The following SMARCA2 variants were observed in gnomAD, a reference collection of about 807,000 sequenced individuals.
The protein encoded by SMARCA2 is SWI/SNF related BAF chromatin remodeling complex subunit ATPase 2.
SMARCA2 carries 61 observed loss-of-function variants against 199.8 expected under a neutral mutation model. That is an observed-to-expected ratio of 0.31 (90% CI 0.25 to 0.38). The LOEUF (loss-of-function observed/expected upper bound fraction) is 0.38, where lower values mean the gene tolerates loss of function less well. SMARCA2 is among the 10% of genes least tolerant of loss of function. SMARCA2 has a pLI of 1.00. For synonymous variants in SMARCA2, 935 were observed against 732.0 expected (o/e 1.28, Z -4.48); for missense variants, 1,344 against 2,012.2 (o/e 0.67, Z 6.35).
chr9:2,176,362 A>C (rs1400267859), intron 29 of SMARCA2, among the ~76,000 whole-genome samples: 2 of 151,974 alleles, frequency 1.3e-5, no homozygotes, highest in African/African-American at 4.8e-5. Flanking sequence ...TATCTGTTTC[A>C]GCCCAGAGTA....
intron 25 of SMARCA2, among the ~76,000 whole-genome samples, chr9:2,118,853 G>C (rs145073731): frequency 2.0e-5 from 3 of 151,822 alleles, no homozygotes; most frequent in Non-Finnish European, 4.4e-5. Context: ...TTTTGTTACT[G>C]ATACCTTTTT....
chr9:2,168,829 A>G (rs765281198), intron 28 of SMARCA2, among the ~76,000 whole-genome samples: 1 of 152,106 alleles, frequency 6.6e-6, no homozygotes, highest in Non-Finnish European at 1.5e-5. Flanking sequence ...ATTTGAAATT[A>G]TTCTGCTGGG....
At chr9:2,140,353 G>T (rs1416775154) in intron 27 of SMARCA2, among the ~76,000 whole-genome samples, 3 of 152,156 alleles carry the variant, frequency 2.0e-5, no homozygotes, top group African/African-American at 7.2e-5. Flanking sequence ...CACAGGGAAG[G>T]ATATTGTGAA....
At chr9:2,189,810 C>T (rs1324402545) in intron 32 of SMARCA2, among the ~76,000 whole-genome samples, 1 of 152,170 alleles carries the variant, frequency 6.6e-6, no homozygotes, top group Non-Finnish European at 1.5e-5. Context: ...CATAACAGCA[C>T]AGCTCTCATC....
At chr9:2,184,372 A>AGAT (rs1276574557) in intron 31 of SMARCA2, among the ~76,000 whole-genome samples, 36 of 64,904 alleles carry the variant, frequency 5.5e-4, no homozygotes, top group African/African-American at 2.6e-3. Flanking sequence ...TTTTTTTTTG[A>AGAT]GATGGAGTCT....
chr9:2,160,684 G>A (rs1187405781), intron 27 of SMARCA2: 1 of 686,158 alleles, frequency 1.5e-6, no homozygotes, highest in Admixed American at 2.1e-5. Context: ...TTGCATACTG[G>A]AGGCAATATT....
intron 2 of SMARCA2, among the ~76,000 whole-genome samples, chr9:2,030,274 C>T (rs1013374200): frequency 2.0e-5 from 3 of 152,164 alleles, no homozygotes; most frequent in African/African-American, 7.2e-5. Flanking sequence ...TCTGCAGTCA[C>T]CAATCTGGAT....
At position 2,101,095 on chromosome 9, in the gene SMARCA2, A is replaced by G. The variant is rs574487070; in HGVS notation, c.3079-475A>G. On this transcript the variant is annotated intron_variant, in intron 21 of 33. Transcript: ENST00000349721. ...TCGCCCCCAGGGTCCCACCCACAAC[A>G]CATGGGAATTATAGGAGCTATAATT... Among the ~76,000 whole-genome samples, 142 of 152,292 alleles carry G rather than the reference A, an allele frequency of 9.3e-4. 1 individual carries two copies. Among genetic ancestry groups the G allele is most frequent in the Non-Finnish European group, 1.8e-3 (120 of 68,014 alleles).
chr9:2,136,290 C>G (rs1269561222), intron 27 of SMARCA2, among the ~76,000 whole-genome samples: 1 of 145,644 alleles, frequency 6.9e-6, no homozygotes, highest in Non-Finnish European at 1.5e-5. Context: ...CGGGTTCAAA[C>G]AGTTCTTGTG....
At chr9:2,184,448 G>A (rs1044494154) in intron 31 of SMARCA2, among the ~76,000 whole-genome samples, 1 of 151,344 alleles carries the variant, frequency 6.6e-6, no homozygotes. Context: ...TGCCTCCTGG[G>A]TTCAAGCAAT....
chr9:2,156,356 T>C (rs1825358446), intron 27 of SMARCA2, among the ~76,000 whole-genome samples: 1 of 151,930 alleles, frequency 6.6e-6, no homozygotes, highest in Non-Finnish European at 1.5e-5. Context: ...ATAATTTGGT[T>C]TCTTTTCAGG....
chr9:2,137,820 G>T (rs1824273871), intron 27 of SMARCA2, among the ~76,000 whole-genome samples: 1 of 152,180 alleles, frequency 6.6e-6, no homozygotes, highest in South Asian at 2.1e-4. Flanking sequence ...AGGGCTAGGA[G>T]GGATTTGGTT....
chr9:2,173,899 T>C (rs913522413), intron 29 of SMARCA2, among the ~76,000 whole-genome samples: 6 of 152,194 alleles, frequency 3.9e-5, no homozygotes, highest in African/African-American at 1.4e-4. Flanking sequence ...AGCCCAAATA[T>C]TACATTCAGT....
At chr9:2,030,893 A>C (rs575904575) in intron 2 of SMARCA2, among the ~76,000 whole-genome samples, 104 of 152,328 alleles carry the variant, frequency 6.8e-4, no homozygotes, top group African/African-American at 2.4e-3. Context: ...TCCTTTTGTT[A>C]AAAGTGTTGT....
chr9:2,040,095 T>C, intron 4 of SMARCA2, 195 bp downstream of exon 4: 1 of 1,110,958 alleles, frequency 9.0e-7, no homozygotes, highest in Non-Finnish European at 1.2e-6. Context: ...TAGGGCAGTG[T>C]TTCTTAACCT....
Position 2,123,737 on chromosome 9 carries a change from C to T in SMARCA2, c.3781C>T (p.Arg1261Trp). Residue 1261 changes from arginine (R) to tryptophan (W), a missense_variant, in exon 27 of 34, where the codon CGG becomes TGG. Physicochemically the swap from Arg to Trp is moderately radical, Grantham distance 101. This residue lies in a region of SMARCA2 where 63 missense variants were observed against 83.3 expected (regional missense o/e 0.76). Transcript: ENST00000349721. This position sits in a 1 kb window ranked among gnomAD's most constrained non-coding sequence, Gnocchi z 4.1. ...TCTCCAGCGGATGGACATGGACCGG[C>T]GGAGGGAAGATGCCCGGAACCCGAA... is the stretch of plus-strand genomic sequence containing the variant. ...DLFMRMDMDRRREDARNPKRK... is the reference protein window; with the variant it reads ...DLFMRMDMDRWREDARNPKRK... 6.2e-7 allele frequency: 1 copy of T among 1,613,928 alleles called. No individual in the cohort carries two copies. The highest frequency in any genetic ancestry group is 8.5e-7 in the Non-Finnish European group (1 of 1,179,966).
chr9:2,180,620 A>ATGAC (rs1242375235), intron 29 of SMARCA2, among the ~76,000 whole-genome samples: 1 of 152,226 alleles, frequency 6.6e-6, no homozygotes, highest in African/African-American at 2.4e-5. Flanking sequence ...TTTGTGAAAA[A>ATGAC]TGACTGTATC....
intron 27 of SMARCA2, among the ~76,000 whole-genome samples, chr9:2,155,440 A>G (rs1175117464): frequency 3.3e-5 from 5 of 151,816 alleles, no homozygotes; most frequent in East Asian, 3.9e-4. Flanking sequence ...GTGCCACCAC[A>G]CCTGGCTAAT....
chr9:2,016,667 G>A lies in SMARCA2; in HGVS notation c.-37+1263G>A, dbSNP rs1167650373. ...CGGGAAGGGGAAGGGCTGCGGTGGG[G>A]AGGGAATAGGGGGGTGGCGAGGGCG... On this transcript the variant is annotated intron_variant, in intron 1 of 33. Transcript: ENST00000349721. The surrounding 1 kb of genome is among the most constrained non-coding windows in gnomAD (Gnocchi z 5.6). Among the ~76,000 whole-genome samples the A allele has an allele frequency of 6.7e-6, 1 of 149,156 alleles. No individual in the cohort carries two copies. The highest frequency in any genetic ancestry group is 1.5e-5 in the Non-Finnish European group (1 of 67,028).
Sources: allele counts gnomAD v4.1 joint callset (sites outside exome capture counted in the v4.1 genomes callset), GRCh38; gene constraint gnomAD v4.1.1; regional missense constraint gnomAD v4.1.1; non-coding constraint Gnocchi (gnomAD v3.1); transcripts MANE v1.5; gene names NCBI Gene and HGNC (gene_info 2026-07-23, HGNC 2026-07-21).